Variants in PDC observed in about 807,000 individuals in gnomAD.
PDC encodes the protein phosducin.
PDC carries 19 observed loss-of-function variants against 22.2 expected under a neutral mutation model. That is an observed-to-expected ratio of 0.86 (90% confidence interval 0.60 to 1.26). The LOEUF (loss-of-function observed/expected upper bound fraction) is 1.26. Among genes scored for constraint, PDC ranks in the 50% most tolerant of loss-of-function variants. The pLI is 0.00. For synonymous variants in PDC, 97 were observed against 96.2 expected, an observed-to-expected ratio of 1.01 and a Z score of -0.05; for missense variants, 274 against 286.8, an observed-to-expected ratio of 0.96 and a Z score of 0.32.
intron 1 of PDC, 68 bp from the exon 2 acceptor site, chr1:186,449,551 T>C: frequency 1.1e-5 from 8 of 725,828 alleles, no homozygotes; most frequent in South Asian, 1.8e-5. Context: ...TATATAGAGA[T>C]AAATATATAG....
At chr1:186,459,752 G>GTGTA (rs1299957095) in intron 1 of PDC, among the ~76,000 whole-genome samples, 13 of 112,084 alleles carry the variant, frequency 1.2e-4, no homozygotes, top group Non-Finnish European at 2.1e-4. Context: ...GTGTGTGTGT[G>GTGTA]TATATATATA....
At chr1:186,446,322 T>C in intron 3 of PDC, 104 bp downstream of exon 3, 1 of 857,076 alleles carries the variant, frequency 1.2e-6, no homozygotes, top group Non-Finnish European at 1.7e-6. Context: ...GTAAGCAATA[T>C]TGTAATGAAT....
intron 1 of PDC, among the ~76,000 whole-genome samples, chr1:186,456,975 C>G (rs1185751613): frequency 1.3e-5 from 2 of 152,180 alleles, no homozygotes; most frequent in Admixed American, 1.3e-4. Context: ...TGCTAGAAAT[C>G]TACATTTGGT....
Position 186,444,124 on chromosome 1 carries a change from C to T in PDC, c.596G>A (p.Ser199Asn). Reference sequence around the variant, plus strand: ...CTGTTCAGCAACACTAATAAAATTGCTTATGAGTTCCCCACCTTTATAGAT... The same window carrying T: ...CTGTTCAGCAACACTAATAAAATTGTTTATGAGTTCCCCACCTTTATAGAT... The part of the protein sequence containing the change: ...LLIYKGGELI[S>N]NFISVAEQFA... The change falls in exon 4 of 4, where the codon AGC (serine) becomes AAC (asparagine). Residue 199 changes from serine to asparagine, a missense_variant. Ser to Asn is a conservative substitution (Grantham distance 46). Coordinates refer to ENST00000391997, the MANE Select transcript of PDC (RefSeq NM_002597.5). 5 of 1,614,018 alleles carry T rather than the reference C, an allele frequency of 3.1e-6. No individual in the cohort carries two copies. Among genetic ancestry groups the T allele is most frequent in the Non-Finnish European group, 3.4e-6 (4 of 1,179,930 alleles).
chr1:186,453,291 G>C (rs371059092), intron 1 of PDC, among the ~76,000 whole-genome samples: 1 of 151,934 alleles, frequency 6.6e-6, no homozygotes, highest in Non-Finnish European at 1.5e-5. Flanking sequence ...TTATGATAGC[G>C]ATGATCTGGA....
At chr1:186,450,548 G>T (rs971198648) in intron 1 of PDC, among the ~76,000 whole-genome samples, 1 of 151,940 alleles carries the variant, frequency 6.6e-6, no homozygotes, top group African/African-American at 2.4e-5. Context: ...GCCCAGGCTA[G>T]TGTTGAACTT....
chr1:186,455,535 C>T (rs1349665484), intron 1 of PDC, among the ~76,000 whole-genome samples: 1 of 152,058 alleles, frequency 6.6e-6, no homozygotes, highest in East Asian at 1.9e-4. Flanking sequence ...GGTTCCCCAC[C>T]TACCCTTTAA....
At chr1:186,450,973 C>T (rs1662342264) in intron 1 of PDC, 1 of 152,172 alleles carries the variant, frequency 6.6e-6, no homozygotes, top group Non-Finnish European at 1.5e-5. Flanking sequence ...GTTTTAGGCA[C>T]TATATCGCAC....
chr1:186,459,096 A>G (rs560113838), intron 1 of PDC, among the ~76,000 whole-genome samples: 1 of 152,186 alleles, frequency 6.6e-6, no homozygotes, highest in Non-Finnish European at 1.5e-5. Context: ...TGGGAGGCGC[A>G]GGTTGCAGTG....
intron 1 of PDC, among the ~76,000 whole-genome samples, chr1:186,458,378 C>G (rs1325574665): frequency 6.6e-6 from 1 of 150,800 alleles, no homozygotes; most frequent in East Asian, 1.9e-4. Flanking sequence ...GTCATGTTTG[C>G]CAAGCTTTGA....
chr1:186,458,695 G>A (rs1662518197), intron 1 of PDC, among the ~76,000 whole-genome samples: 1 of 151,924 alleles, frequency 6.6e-6, no homozygotes, highest in Non-Finnish European at 1.5e-5. Flanking sequence ...ACTATATTAT[G>A]ATGATTATTC....
chr1:186,452,657 ATCAG>A (rs1223665825), intron 1 of PDC, among the ~76,000 whole-genome samples: 1 of 152,252 alleles, frequency 6.6e-6, no homozygotes, highest in African/African-American at 2.4e-5. Context: ...TATGCAATAT[ATCAG>A]TCATTTAAAA....
At position 186,443,972 on chromosome 1, in the gene PDC, T is replaced by G. The variant is rs759135102; in HGVS notation, c.*7A>C. On this transcript the variant is annotated 3_prime_UTR_variant, in exon 4 of 4. Coordinates refer to ENST00000391997, the MANE Select transcript of PDC (RefSeq NM_002597.5). ...GGATAAACATGAGATATTGACATAG[T>G]GAATCTTCATTCAACATCTTCTTCT... 1 of 1,588,282 alleles carries G rather than the reference T, an allele frequency of 6.3e-7. No homozygotes were observed. Among genetic ancestry groups the G allele is most frequent in the Non-Finnish European group, 8.6e-7 (1 of 1,159,346 alleles).
intron 1 of PDC, 84 bp from the exon 2 acceptor site, chr1:186,449,567 T>G (rs895184158): frequency 3.2e-6 from 2 of 620,218 alleles, no homozygotes; most frequent in Admixed American, 2.4e-5. Context: ...TATAGGTACA[T>G]GCATATTTAT....
chr1:186,454,168 C>CTTTTTTTTTTTTTTTTTTTTT (rs397860509), intron 1 of PDC, among the ~76,000 whole-genome samples: 3 of 94,230 alleles, frequency 3.2e-5, no homozygotes, highest in Non-Finnish European at 6.0e-5. Context: ...TCTTTTCTTT[C>CTTTTTTTTTTTTTTTTTTTTT]TTTTTTTTTT....
In PDC at chr1:186,455,994, AAT is replaced by A. The variant is rs71104863; in HGVS notation, c.-25+5063_-25+5064del. 9.1e-3 allele frequency among the ~76,000 whole-genome samples: 701 copies of A among 76,946 alleles called. 16 individuals are homozygous for A. Among genetic ancestry groups the A allele is most frequent in the Middle Eastern group, 0.026 (2 of 76 alleles). The allele number at this position is 76,946 out of a possible 152,430, so 50.5% of individuals were successfully genotyped here. A position where few individuals can be genotyped will look rare whatever the true frequency, so the allele number is the denominator to read the frequency against. ...CTCAAAAAAAAAAAAAAAAAAAAAA[AAT>A]ATATATATATATATATATATATATA... On this transcript the variant is annotated intron_variant, in intron 1 of 3. Transcript: ENST00000391997.
At chr1:186,449,529 T>G (rs1662306785) in intron 1 of PDC, 46 bp from the exon 2 acceptor site, 1 of 945,188 alleles carries the variant, frequency 1.1e-6, no homozygotes, top group Non-Finnish European at 1.7e-6. Context: ...AATTCCAGGA[T>G]GTACATACAT....
intron 1 of PDC, among the ~76,000 whole-genome samples, chr1:186,454,895 T>A (rs1269690117): frequency 6.6e-6 from 1 of 152,234 alleles, no homozygotes; most frequent in Non-Finnish European, 1.5e-5. Flanking sequence ...ATTTCTAAAA[T>A]AAGTCTATTT....
In PDC at chr1:186,457,836, A is replaced by T. The variant is rs147723394; in HGVS notation, c.-25+3223T>A. On this transcript the variant is annotated intron_variant, in intron 1 of 3. Coordinates refer to ENST00000391997, the MANE Select transcript of PDC (RefSeq NM_002597.5). Reference sequence around the variant, plus strand: ...TTTTAAATACAAAACATTCATCCTGATGCTGTTGAAAATTTTCCTTACTTT... The same window carrying T: ...TTTTAAATACAAAACATTCATCCTGTTGCTGTTGAAAATTTTCCTTACTTT... 6.3e-3 allele frequency among the ~76,000 whole-genome samples: 958 copies of T among 152,246 alleles called. 13 individuals carry two copies. The highest frequency in any genetic ancestry group is 0.021 in the African/African-American group (860 of 41,526).
Sources: allele counts gnomAD v4.1 joint callset (sites outside exome capture counted in the v4.1 genomes callset), GRCh38; gene constraint gnomAD v4.1.1; transcripts MANE v1.5; gene names NCBI Gene and HGNC (gene_info 2026-07-23, HGNC 2026-07-21).